YTHDC2: variants seen among roughly 807,000 people sequenced by gnomAD.
The protein encoded by YTHDC2 is YTH N6-methyladenosine RNA binding protein C2, also known as 3'-5' RNA helicase YTHDC2.
Under a neutral mutation model 174.9 loss-of-function variants are expected in YTHDC2, and 45 were observed. The ratio of observed to expected loss-of-function variants is 0.26; its 90% CI spans 0.20 to 0.33. The LOEUF (loss-of-function observed/expected upper bound fraction) is 0.33. Ranked by LOEUF, YTHDC2 falls within the 10% of genes least tolerant of loss-of-function variation. The pLI is 1.00. For missense variants in YTHDC2, 1,650 were observed against 1,723.7 expected, an observed-to-expected ratio of 0.96 and a Z score of 0.76; for synonymous variants, 657 against 574.5, an observed-to-expected ratio of 1.14 and a Z score of -2.05.
chr5:113,517,957 C>T (rs923080873), intron 2 of YTHDC2, among the ~76,000 whole-genome samples: 1 of 151,828 alleles, frequency 6.6e-6, no homozygotes, highest in Non-Finnish European at 1.5e-5. Flanking sequence ...GGTACAATCT[C>T]GGCTCACTGC....
intron 2 of YTHDC2, among the ~76,000 whole-genome samples, chr5:113,518,490 C>G (rs1308777958): frequency 6.6e-6 from 1 of 151,990 alleles, no homozygotes; most frequent in African/African-American, 2.4e-5. Flanking sequence ...ACATGAGCCA[C>G]TGGGCCCAGC....
intron 26 of YTHDC2, among the ~76,000 whole-genome samples, chr5:113,588,808 A>G (rs1469171954): frequency 6.6e-6 from 1 of 151,206 alleles, no homozygotes; most frequent in African/African-American, 2.4e-5. Flanking sequence ...ATTTTTCAGT[A>G]GAGACAGGGT....
intron 8 of YTHDC2, 123 bp from the exon 9 acceptor site, chr5:113,540,845 G>A (rs899562278): frequency 1.3e-4 from 104 of 816,880 alleles, no homozygotes; most frequent in Non-Finnish European, 1.7e-4. Flanking sequence ...TTTTTTAAAA[G>A]TAACTACAGA....
chr5:113,519,087 G>A (rs1476970657), intron 2 of YTHDC2, among the ~76,000 whole-genome samples: 1 of 151,766 alleles, frequency 6.6e-6, no homozygotes, highest in African/African-American at 2.4e-5. Flanking sequence ...TGCCCAGCCT[G>A]GTCTCAAACT....
chr5:113,550,093 A>G (rs1344848301), intron 12 of YTHDC2, among the ~76,000 whole-genome samples: 1 of 135,248 alleles, frequency 7.4e-6, no homozygotes, highest in African/African-American at 2.8e-5. Context: ...AAAAGAAGTA[A>G]AAAGAAAAAC....
chr5:113,556,503 C>T (rs1016605389), intron 17 of YTHDC2: 2 of 160,222 alleles, frequency 1.2e-5, no homozygotes, highest in African/African-American at 4.8e-5. Context: ...CACAAATAGG[C>T]AATTTACCAA....
rs184689814 is a variant in YTHDC2, at chr5:113,514,286, G to A, written c.187+204G>A. On this transcript the variant is annotated intron_variant, in intron 1 of 29. Coordinates refer to ENST00000161863, the MANE Select transcript of YTHDC2 (RefSeq NM_022828.5). ...GCGGTGGAATGCGAGGTGCTCTGCG[G>A]ATCAATGGGGTTATGGGCACTTTGC... 407 of 717,456 alleles carry A rather than the reference G, an allele frequency of 5.7e-4. 4 individuals are homozygous for A. The East Asian group carries it at 0.011, about 19-fold the overall frequency. 44.4% of individuals were successfully genotyped at this position (717,456 alleles called of 1,614,324 possible).
intron 16 of YTHDC2, among the ~76,000 whole-genome samples, chr5:113,555,729 G>A (rs1472344112): frequency 6.6e-6 from 1 of 152,120 alleles, no homozygotes. Flanking sequence ...CAAGGGAATA[G>A]ATCCGTTCTC....
intron 11 of YTHDC2, 21 bp from the exon 12 acceptor site, chr5:113,548,934 A>G (rs190254961): frequency 4.2e-5 from 68 of 1,608,304 alleles, no homozygotes; most frequent in African/African-American, 6.7e-5. Context: ...GACATCTTAT[A>G]TATCCTTTGA....
At chr5:113,546,019 C>T (rs1175403552) in intron 10 of YTHDC2, among the ~76,000 whole-genome samples, 2 of 51,010 alleles carry the variant, frequency 3.9e-5, no homozygotes, top group Non-Finnish European at 6.6e-5. Flanking sequence ...GGATTACAGG[C>T]GTGAGCCACC....
rs151245592 is a variant in YTHDC2 at position 113,552,411 on chromosome 5, A to G, written c.1689-770A>G. Among the ~76,000 whole-genome samples the G allele has an allele frequency of 4.9e-4, 74 of 152,194 alleles. 1 individual carries two copies. The East Asian group carries it at 0.012, about 24-fold the overall frequency. ...ACTTCCAGTTTCTATAGATTTGTCT[A>G]TTTTGGACATTTTATATAAATGAAA... is the stretch of plus-strand genomic sequence containing the variant. On this transcript the variant is annotated intron_variant, in intron 12 of 29. Transcript: ENST00000161863.
chr5:113,563,579 A>C (rs1777145557), intron 19 of YTHDC2, 87 bp downstream of exon 19: 2 of 1,408,310 alleles, frequency 1.4e-6, no homozygotes, highest in East Asian at 2.4e-5. Flanking sequence ...AATTTTGTAT[A>C]ATTATTTTTT....
chr5:113,519,314 A>G (rs148827680), intron 2 of YTHDC2, among the ~76,000 whole-genome samples: 1 of 152,052 alleles, frequency 6.6e-6, no homozygotes, highest in Non-Finnish European at 1.5e-5. Context: ...ATTTCACATC[A>G]TTATTTACTT....
intron 19 of YTHDC2, 40 bp from the exon 20 acceptor site, chr5:113,563,819 T>C: frequency 1.2e-6 from 2 of 1,607,062 alleles, no homozygotes; most frequent in East Asian, 2.2e-5. Flanking sequence ...GATTAAACAG[T>C]TTGCTCACAT....
chr5:113,552,196 A>G (rs1004102267), intron 12 of YTHDC2, among the ~76,000 whole-genome samples: 17 of 152,144 alleles, frequency 1.1e-4, no homozygotes, highest in African/African-American at 4.1e-4. Context: ...TTAATATACC[A>G]TATAATTCAC....
chr5:113,535,096 G>C (rs771765319), intron 6 of YTHDC2, among the ~76,000 whole-genome samples: 1 of 151,942 alleles, frequency 6.6e-6, no homozygotes, highest in Non-Finnish European at 1.5e-5. Context: ...TATTTTGTGG[G>C]AAAAAAGGGC....
intron 10 of YTHDC2, among the ~76,000 whole-genome samples, chr5:113,547,696 C>T (rs1028816736): frequency 1.3e-5 from 2 of 152,130 alleles, no homozygotes; most frequent in Non-Finnish European, 2.9e-5. Context: ...AGGCAATTTT[C>T]TTGTCTCTGC....
chr5:113,515,911 T>C (rs2112508715), intron 2 of YTHDC2, among the ~76,000 whole-genome samples: 1 of 152,320 alleles, frequency 6.6e-6, no homozygotes, highest in East Asian at 1.9e-4. Context: ...CCTGGTGCTG[T>C]CTCTATTAAG....
intron 12 of YTHDC2, among the ~76,000 whole-genome samples, chr5:113,550,998 A>C (rs1386209460): frequency 6.6e-6 from 1 of 152,114 alleles, no homozygotes; most frequent in Non-Finnish European, 1.5e-5. Context: ...TGGAGCCTGA[A>C]GTTAAAATAT....
Sources: gnomAD v4.1 joint callset for allele counts (sites outside exome capture counted in the v4.1 genomes callset) on GRCh38, gnomAD v4.1.1 for gene constraint, MANE v1.5 for transcripts, NCBI Gene and HGNC (gene_info 2026-07-23, HGNC 2026-07-21) for gene names.